VPS13D: variants seen among roughly 807,000 people sequenced by gnomAD.
VPS13D encodes the protein vacuolar protein sorting 13 homolog D.
In VPS13D, 187 loss-of-function variants were observed where a neutral mutation model predicts 461.9. The ratio of observed to expected loss-of-function variants is 0.40; its 90% CI spans 0.36 to 0.46. VPS13D has a LOEUF of 0.46. VPS13D is among the 20% of genes least tolerant of loss of function. The pLI is 0.60. For synonymous variants in VPS13D, 1,951 were observed against 1,986.3 expected (o/e 0.98, Z 0.47); for missense variants, 4,711 against 5,364.9 (o/e 0.88, Z 3.81).
chr1:12,291,184 T>A lies in VPS13D; in HGVS notation c.5852+60T>A. On this transcript the variant is annotated intron_variant, in intron 23 of 69. Coordinates refer to ENST00000620676, the MANE Select transcript of VPS13D (RefSeq NM_015378.4). ...TATCATAATACTTGCTGTTTCAGAT[T>A]CTTGTTGGCTAGACAATAAAGAAAA... is the stretch of plus-strand genomic sequence containing the variant. The A allele has an allele frequency of 1.9e-6, 3 of 1,564,434 alleles. No homozygotes were observed. In the South Asian group the frequency reaches 3.6e-5, roughly 19 times the overall value.
At chr1:12,491,034 C>A (rs1375014693) in intron 67 of VPS13D, among the ~76,000 whole-genome samples, 1 of 152,202 alleles carries the variant, frequency 6.6e-6, no homozygotes, top group Non-Finnish European at 1.5e-5. Context: ...TGGTCAAGAA[C>A]CCTGGTATCT....
Position 12,400,350 on chromosome 1 carries a change from T to C in VPS13D, c.11784+20T>C. On this transcript the variant is annotated intron_variant, in intron 61 of 69. Coordinates refer to ENST00000620676, the MANE Select transcript of VPS13D (RefSeq NM_015378.4). ...TACAAGGTGGGCTGGTGGAGGAGGC[T>C]GGTGGGTTGATGCCATGCTGGAACG... 1.2e-6 allele frequency: 2 copies of C among 1,613,174 alleles called. No individual in the cohort carries two copies. The highest frequency in any genetic ancestry group is 1.7e-6 in the Non-Finnish European group (2 of 1,179,592).
chr1:12,386,492 C>T (rs776953561), intron 60 of VPS13D, among the ~76,000 whole-genome samples, 158 bp downstream of exon 60: 6 of 152,146 alleles, frequency 3.9e-5, no homozygotes, highest in Non-Finnish European at 8.8e-5. Context: ...TACCTACATT[C>T]GTCTCATTAA....
chr1:12,381,455 G>A (rs1456908204), intron 57 of VPS13D, among the ~76,000 whole-genome samples: 1 of 152,186 alleles, frequency 6.6e-6, no homozygotes, highest in Admixed American at 6.5e-5. Flanking sequence ...CATGTAGCAA[G>A]GTGTTTTCCT....
chr1:12,503,156 G>A (rs1362807179), intron 68 of VPS13D, among the ~76,000 whole-genome samples: 1 of 152,092 alleles, frequency 6.6e-6, no homozygotes, highest in African/African-American at 2.4e-5. Context: ...CATTAGTGAT[G>A]GTGCATTCTA....
chr1:12,266,861 A>G lies in VPS13D; in HGVS notation c.1595-20A>G, dbSNP rs766507714. The G allele has an allele frequency of 1.1e-5, 17 of 1,541,814 alleles. No homozygotes were observed. In the South Asian group the frequency reaches 2.0e-4, roughly 18 times the overall value. Reference sequence around the variant, plus strand: ...GGCTCTCATAAGCATTGTATCAACTATTTTATTTATCTTTTATAGATGTAA... The same window carrying G: ...GGCTCTCATAAGCATTGTATCAACTGTTTTATTTATCTTTTATAGATGTAA... On this transcript the variant is annotated intron_variant, in intron 13 of 69. Transcript: ENST00000620676.
intron 65 of VPS13D, among the ~76,000 whole-genome samples, chr1:12,443,363 T>C (rs1194755637): frequency 2.0e-5 from 3 of 152,222 alleles, no homozygotes; most frequent in Non-Finnish European, 4.4e-5. Flanking sequence ...TGTGCTACAG[T>C]TTATTTATTT....
chr1:12,241,187 C>T (rs1640344291), intron 2 of VPS13D, among the ~76,000 whole-genome samples: 1 of 152,178 alleles, frequency 6.6e-6, no homozygotes, highest in South Asian at 2.1e-4. Context: ...AAGCGATTTC[C>T]CAGCCTCAGC....
intron 67 of VPS13D, chr1:12,478,711 G>A: frequency 2.2e-6 from 1 of 447,782 alleles, no homozygotes; most frequent in East Asian, 7.0e-5. Context: ...GTTTCTCTCT[G>A]GAGAAGCAAA....
chr1:12,456,688 G>T (rs906145887), intron 66 of VPS13D, among the ~76,000 whole-genome samples: 1 of 150,440 alleles, frequency 6.6e-6, no homozygotes, highest in Non-Finnish European at 1.5e-5. Flanking sequence ...AGGAAATCCT[G>T]TGTTGGCGTA....
At chr1:12,249,370 A>G (rs1254741180) in intron 6 of VPS13D, 31 bp downstream of exon 6, 1 of 1,563,966 alleles carries the variant, frequency 6.4e-7, no homozygotes, top group Non-Finnish European at 8.8e-7. Flanking sequence ...CAAAGCAGGA[A>G]GAAAGCCATG....
At chr1:12,249,128 C>T (rs1640651268) in intron 5 of VPS13D, 95 bp from the exon 6 acceptor site, 1 of 997,082 alleles carries the variant, frequency 1.0e-6, no homozygotes, top group South Asian at 1.6e-5. Flanking sequence ...TAGTATTTCA[C>T]CTACAGCAGT....
intron 62 of VPS13D, 64 bp from the exon 63 acceptor site, chr1:12,403,761 G>A: frequency 6.9e-7 from 1 of 1,452,890 alleles, no homozygotes; most frequent in South Asian, 1.4e-5. Context: ...AATACAAAGT[G>A]GATTCTGTGG....
chr1:12,340,301 C>T (rs896011057), intron 40 of VPS13D, among the ~76,000 whole-genome samples: 32 of 151,956 alleles, frequency 2.1e-4, no homozygotes, highest in African/African-American at 7.5e-4. Flanking sequence ...AATGACTGAC[C>T]ACAAAATTGT....
chr1:12,295,332 A>C (rs961437991), intron 24 of VPS13D, among the ~76,000 whole-genome samples: 3 of 152,184 alleles, frequency 2.0e-5, no homozygotes, highest in African/African-American at 7.2e-5. Context: ...TTAAATAAAA[A>C]ATGTTTGACT....
intron 15 of VPS13D, among the ~76,000 whole-genome samples, 197 bp from the exon 16 acceptor site, chr1:12,268,508 AG>A (rs1243232566): frequency 6.6e-6 from 1 of 152,016 alleles, no homozygotes; most frequent in Non-Finnish European, 1.5e-5. Flanking sequence ...CTAATACAAC[AG>A]GCCAGTCTAC....
At chr1:12,368,936 C>G (rs1180271393) in intron 53 of VPS13D, among the ~76,000 whole-genome samples, 2 of 152,148 alleles carry the variant, frequency 1.3e-5, no homozygotes, top group Non-Finnish European at 2.9e-5. Flanking sequence ...ATGGGCAATT[C>G]TGCTGTTGCT....
chr1:12,495,149 CT>C lies in VPS13D; in HGVS notation c.12663-2333del, dbSNP rs768628311. On this transcript the variant is annotated intron_variant, in intron 67 of 69. Coordinates refer to ENST00000620676, the MANE Select transcript of VPS13D (RefSeq NM_015378.4). The surrounding 1 kb of genome is among the most constrained non-coding windows in gnomAD (Gnocchi z 4.0). ...AGATGACTGACTTGATGTAACTTACCTTTTTTTTTTTTTTTTTTGAGACAGA... is the reference window on the plus strand; with the variant it reads ...AGATGACTGACTTGATGTAACTTACCTTTTTTTTTTTTTTTTTGAGACAGA... Among the ~76,000 whole-genome samples, 1,545 of 138,670 alleles carry C rather than the reference CT, an allele frequency of 0.011. 12 individuals carry two copies. Among genetic ancestry groups the C allele is most frequent in the East Asian group, 0.036 (174 of 4,860 alleles). The allele number at this position is 138,670 out of a possible 152,430, so 91.0% of individuals were successfully genotyped here. A position where few individuals can be genotyped will look rare whatever the true frequency, so the allele number is the denominator to read the frequency against.
At chr1:12,310,141 C>T (rs913119090) in intron 27 of VPS13D, among the ~76,000 whole-genome samples, 3 of 152,182 alleles carry the variant, frequency 2.0e-5, no homozygotes, top group African/African-American at 7.2e-5. Context: ...TAAACTTTCC[C>T]CACTCCCATC....
Sources: gnomAD v4.1 joint callset for allele counts (sites outside exome capture counted in the v4.1 genomes callset) on GRCh38, gnomAD v4.1.1 for gene constraint, Gnocchi (gnomAD v3.1) non-coding constraint, MANE v1.5 for transcripts, NCBI Gene and HGNC (gene_info 2026-07-23, HGNC 2026-07-21) for gene names.